KIZ: variants seen among roughly 807,000 people sequenced by gnomAD.
KIZ encodes kizuna centrosomal protein.
Under a neutral mutation model 79.6 loss-of-function variants are expected in KIZ, and 68 were observed. The observed-to-expected ratio is 0.85, with a 90% confidence interval of 0.70 to 1.05. KIZ has a LOEUF of 1.05. Among genes scored for constraint, KIZ ranks in the 50% least tolerant of loss-of-function variants. KIZ has a pLI of 0.00. For synonymous variants in KIZ, 280 were observed against 281.8 expected (o/e 0.99, Z 0.06); for missense variants, 797 against 800.4 (o/e 1.00, Z 0.05).
chr20:21,189,025 T>C (rs1178234826), intron 6 of KIZ, among the ~76,000 whole-genome samples: 2 of 152,050 alleles, frequency 1.3e-5, no homozygotes, highest in Admixed American at 1.3e-4. Context: ...TATTTTATTT[T>C]AAGAGACGGA....
chr20:21,167,421 A>G (rs998549084), intron 6 of KIZ, among the ~76,000 whole-genome samples: 1 of 152,124 alleles, frequency 6.6e-6, no homozygotes, highest in African/African-American at 2.4e-5. Flanking sequence ...TACCTTCACC[A>G]TCTGAGCAAG....
At chr20:21,243,667 A>C (rs1423886110) in intron 11 of KIZ, among the ~76,000 whole-genome samples, 1 of 152,160 alleles carries the variant, frequency 6.6e-6, no homozygotes, top group Non-Finnish European at 1.5e-5. Flanking sequence ...TTCTTGTCAT[A>C]TTGGCCTCAG....
intron 2 of KIZ, among the ~76,000 whole-genome samples, chr20:21,135,126 T>G (rs189835332): frequency 6.6e-6 from 1 of 152,338 alleles, no homozygotes; most frequent in African/African-American, 2.4e-5. Flanking sequence ...TGACCTTAGC[T>G]GAAAGACTTT....
rs759903480 is a variant in KIZ, at chr20:21,232,846, C to G, written c.1880+16C>G. 8.9e-7 allele frequency: 1 copy of G among 1,124,894 alleles called. No homozygotes were observed. The highest frequency in any genetic ancestry group is 1.3e-6 in the Non-Finnish European group (1 of 749,416). The allele number at this position is 1,124,894 out of a possible 1,614,324, so 69.7% of individuals were successfully genotyped here. A position where few individuals can be genotyped will look rare whatever the true frequency, so the allele number is the denominator to read the frequency against. ...CTTTGTCAAGGTAAAGTTGTGAAAG[C>G]CTTTCTGAATAGCAGCAACAAGATG... On this transcript the variant is annotated intron_variant, in intron 11 of 12. Transcript: ENST00000619189.
At chr20:21,215,765 C>A in intron 9 of KIZ, 117 bp downstream of exon 9, 2 of 575,324 alleles carry the variant, frequency 3.5e-6, no homozygotes, top group Admixed American at 2.9e-5. Context: ...TCAGCTACTG[C>A]ATGCTGGAGC....
chr20:21,128,455 G>T (rs1472335705), intron 1 of KIZ, among the ~76,000 whole-genome samples: 1 of 152,194 alleles, frequency 6.6e-6, no homozygotes, highest in African/African-American at 2.4e-5. Flanking sequence ...CTTCTGGGAA[G>T]TGGGAGACAA....
chr20:21,126,070 G>A (rs1365049138), upstream of KIZ: 3 of 1,412,082 alleles, frequency 2.1e-6, no homozygotes, highest in South Asian at 2.7e-5. Context: ...AACCCCGGCC[G>A]AACGGCCACC....
At chr20:21,132,210 C>A (rs1449225607) in intron 2 of KIZ, 51 bp downstream of exon 2, 19 of 855,742 alleles carry the variant, frequency 2.2e-5, no homozygotes, top group Middle Eastern at 3.0e-4. Context: ...ATATATTAAT[C>A]AAAAATGTAA....
chr20:21,182,036 A>T (rs1304814733), intron 6 of KIZ, among the ~76,000 whole-genome samples: 1 of 152,220 alleles, frequency 6.6e-6, no homozygotes, highest in South Asian at 2.1e-4. Context: ...TCCTACAGCC[A>T]GGAGCAAAGT....
intron 4 of KIZ, among the ~76,000 whole-genome samples, chr20:21,146,880 A>G (rs754159008): frequency 2.6e-5 from 4 of 152,222 alleles, no homozygotes; most frequent in African/African-American, 9.6e-5. Context: ...GTAAGATACA[A>G]AACACCAAGC....
intron 11 of KIZ, among the ~76,000 whole-genome samples, chr20:21,237,856 G>A (rs1180107464): frequency 6.6e-6 from 1 of 152,106 alleles, no homozygotes; most frequent in Non-Finnish European, 1.5e-5. Context: ...TAGAGACAGG[G>A]TCTCGCTCTG....
intron 4 of KIZ, among the ~76,000 whole-genome samples, chr20:21,160,476 TTC>T (rs150313632): frequency 2.5e-4 from 38 of 151,474 alleles, no homozygotes; most frequent in African/African-American, 8.4e-4. Context: ...CGGGTCCCTT[TTC>T]TCTCTCTCTC....
At position 21,166,035 on chromosome 20, in the gene KIZ, C is replaced by T. The variant is rs139481819; in HGVS notation, c.1352+2876C>T. On this transcript the variant is annotated intron_variant, in intron 6 of 12. Transcript: ENST00000619189. ...AGGCTGGAGTGCAATGGCGCAACCT[C>T]GGCTCACTGCAACCTCCACCTCCTG... Among the ~76,000 whole-genome samples the T allele has an allele frequency of 8.4e-3, 1,284 of 152,234 alleles. 56 individuals carry two copies. Among genetic ancestry groups the T allele is most frequent in the Admixed American group, 0.071 (1,092 of 15,290 alleles).
intron 7 of KIZ, among the ~76,000 whole-genome samples, chr20:21,207,376 C>T (rs1246398347): frequency 2.6e-5 from 4 of 152,028 alleles, no homozygotes; most frequent in Non-Finnish European, 5.9e-5. Context: ...ATCCCATGCC[C>T]ACAACCCAAA....
At chr20:21,159,244 C>A (rs958794838) in intron 4 of KIZ, among the ~76,000 whole-genome samples, 1 of 151,840 alleles carries the variant, frequency 6.6e-6, no homozygotes, top group Non-Finnish European at 1.5e-5. Context: ...GTCTCAAGTT[C>A]CTGGGCTCAA....
intron 4 of KIZ, among the ~76,000 whole-genome samples, chr20:21,146,910 A>T (rs887496169): frequency 6.6e-6 from 1 of 152,190 alleles, no homozygotes; most frequent in Non-Finnish European, 1.5e-5. Flanking sequence ...CTTGACCTAT[A>T]TAAAAAGGCT....
intron 6 of KIZ, among the ~76,000 whole-genome samples, chr20:21,192,293 T>C (rs1436871041): frequency 6.6e-6 from 1 of 150,844 alleles, no homozygotes; most frequent in Non-Finnish European, 1.5e-5. Context: ...TTTTTTTTTT[T>C]TTTTTTTTGC....
At chr20:21,142,094 C>A (rs1487875503) in intron 3 of KIZ, among the ~76,000 whole-genome samples, 6 of 151,918 alleles carry the variant, frequency 3.9e-5, no homozygotes, top group Admixed American at 3.9e-4. Context: ...CGTACACACA[C>A]ACTCTCTCTC....
intron 7 of KIZ, among the ~76,000 whole-genome samples, chr20:21,211,272 A>G (rs1159051963): frequency 6.6e-6 from 1 of 152,236 alleles, no homozygotes; most frequent in Non-Finnish European, 1.5e-5. Context: ...AGAACGATTT[A>G]TCTGCCATAA....
Sources: gnomAD v4.1 joint callset for allele counts (sites outside exome capture counted in the v4.1 genomes callset) on GRCh38, gnomAD v4.1.1 for gene constraint, MANE v1.5 for transcripts, NCBI Gene and HGNC (gene_info 2026-07-23, HGNC 2026-07-21) for gene names.